TNR: variants seen among roughly 807,000 people sequenced by gnomAD.
TNR encodes tenascin-R.
A neutral mutation model predicts 150.4 loss-of-function variants in TNR; 45 were observed. That is an observed-to-expected ratio of 0.30 (90% CI 0.24 to 0.38). The LOEUF (loss-of-function observed/expected upper bound fraction) is 0.38, where lower values mean the gene tolerates loss of function less well. TNR is among the 10% of genes least tolerant of loss of function. The pLI is 1.00. For synonymous variants in TNR, 687 were observed against 678.4 expected (o/e 1.01, Z -0.20); for missense variants, 1,544 against 1,759.1 (o/e 0.88, Z 2.19).
At chr1:175,591,963 C>T (rs1162217106) in intron 1 of TNR, among the ~76,000 whole-genome samples, 1 of 152,024 alleles carries the variant, frequency 6.6e-6, no homozygotes, top group Admixed American at 6.6e-5. Context: ...TCTAAGTGAC[C>T]AAGATAAACA....
intron 18 of TNR, among the ~76,000 whole-genome samples, chr1:175,351,385 G>A (rs1471624460): frequency 6.6e-6 from 1 of 152,184 alleles, no homozygotes; most frequent in Admixed American, 6.5e-5. Context: ...AATTTATTCA[G>A]GGAAATTTGC....
At chr1:175,681,318 T>C (rs1174684776) in intron 1 of TNR, among the ~76,000 whole-genome samples, 1 of 152,096 alleles carries the variant, frequency 6.6e-6, no homozygotes, top group African/African-American at 2.4e-5. Flanking sequence ...CAAAGTCAAA[T>C]AGACTCTAAA....
At chr1:175,575,865 G>C (rs1040751447) in intron 1 of TNR, among the ~76,000 whole-genome samples, 7 of 152,176 alleles carry the variant, frequency 4.6e-5, no homozygotes, top group Admixed American at 3.3e-4. Flanking sequence ...GTTGAACCAA[G>C]CTGGAGCCTG....
At chr1:175,670,538 C>T (rs1665667175) in intron 1 of TNR, among the ~76,000 whole-genome samples, 1 of 152,196 alleles carries the variant, frequency 6.6e-6, no homozygotes, top group Admixed American at 6.5e-5. Flanking sequence ...ATTTAGTGAG[C>T]ACTTACCAGG....
intron 21 of TNR, among the ~76,000 whole-genome samples, chr1:175,327,100 TC>T (rs1649443163): frequency 6.6e-6 from 1 of 152,170 alleles, no homozygotes; most frequent in Non-Finnish European, 1.5e-5. Flanking sequence ...TTATGCGGTC[TC>T]CACCCACATC....
intron 1 of TNR, among the ~76,000 whole-genome samples, chr1:175,649,727 C>T (rs1191611278): frequency 6.6e-6 from 1 of 152,162 alleles, no homozygotes; most frequent in Non-Finnish European, 1.5e-5. Flanking sequence ...ATCCCATGGC[C>T]TCCTTGCAGC....
At chr1:175,449,896 G>A (rs1026919073) in intron 2 of TNR, among the ~76,000 whole-genome samples, 3 of 152,144 alleles carry the variant, frequency 2.0e-5, no homozygotes, top group Non-Finnish European at 4.4e-5. Context: ...TTTTCTGCCC[G>A]ATCACAGATG....
chr1:175,470,658 G>A (rs1264853118), intron 2 of TNR, among the ~76,000 whole-genome samples: 1 of 152,148 alleles, frequency 6.6e-6, no homozygotes, highest in Non-Finnish European at 1.5e-5. Flanking sequence ...AAAAACCCAA[G>A]TACATTCTTT....
At chr1:175,707,810 T>C (rs958078765) in intron 1 of TNR, among the ~76,000 whole-genome samples, 2 of 152,210 alleles carry the variant, frequency 1.3e-5, no homozygotes, top group African/African-American at 4.8e-5. Context: ...TAAATAATTA[T>C]TTAAGTTAAA....
In TNR at chr1:175,417,075, G is replaced by GAAAGAAAGAAAGAAAGAAAGAAAGAA. The variant is rs754333098; in HGVS notation, c.-63-10299_-63-10298insTTCTTTCTTTCTTTCTTTCTTTCTTT. ...AGAAAGAAAGAAAGAAAGAAAGAAA[G>GAAAGAAAGAAAGAAAGAAAGAAAGAA]AAATCTAAGAAGTGGTCTCTTCCCT... On this transcript the variant is annotated intron_variant, in intron 2 of 22. Transcript: ENST00000367674. 2.5e-3 allele frequency among the ~76,000 whole-genome samples: 347 copies of GAAAGAAAGAAAGAAAGAAAGAAAGAA among 138,272 alleles called. 7 individuals are homozygous for GAAAGAAAGAAAGAAAGAAAGAAAGAA. The highest frequency in any genetic ancestry group is 7.4e-3 in the Middle Eastern group (2 of 272). 90.7% of individuals were successfully genotyped at this position (138,272 alleles called of 152,430 possible).
intron 21 of TNR, among the ~76,000 whole-genome samples, chr1:175,326,245 T>A (rs10912957): frequency 0.48 from 72,952 of 152,024 alleles, 19,751 homozygotes; most frequent in East Asian, 0.77. Context: ...TATAAAACTT[T>A]TAGCAGGATC....
At chr1:175,404,451 A>G (rs745731998) in intron 3 of TNR, among the ~76,000 whole-genome samples, 34 of 152,104 alleles carry the variant, frequency 2.2e-4, no homozygotes, top group Non-Finnish European at 8.8e-5. Context: ...TCTGTCCTAG[A>G]CCTTACTGTG....
At chr1:175,370,433 C>T (rs571195590) in intron 9 of TNR, among the ~76,000 whole-genome samples, 3 of 130,740 alleles carry the variant, frequency 2.3e-5, no homozygotes, top group South Asian at 2.6e-4. Context: ...CTGGGTGCAC[C>T]TGTTGACTTC....
intron 1 of TNR, among the ~76,000 whole-genome samples, chr1:175,640,197 C>T (rs1664612298): frequency 6.6e-6 from 1 of 152,230 alleles, no homozygotes; most frequent in African/African-American, 2.4e-5. Flanking sequence ...GCCTTCTACA[C>T]AGCTTAAATT....
At chr1:175,702,307 C>G (rs1233083577) in intron 1 of TNR, among the ~76,000 whole-genome samples, 1 of 152,140 alleles carries the variant, frequency 6.6e-6, no homozygotes, top group African/African-American at 2.4e-5. Context: ...GACGCCTGCT[C>G]AGTGCCCCAA....
intron 1 of TNR, among the ~76,000 whole-genome samples, chr1:175,739,884 C>A (rs1182543747): frequency 6.6e-6 from 1 of 152,194 alleles, no homozygotes; most frequent in Non-Finnish European, 1.5e-5. Context: ...CATGACCAAC[C>A]ACCAACTTGG....
chr1:175,423,324 T>C (rs1459856318), intron 2 of TNR, among the ~76,000 whole-genome samples: 1 of 151,968 alleles, frequency 6.6e-6, no homozygotes, highest in Non-Finnish European at 1.5e-5. Context: ...GGGGTGCAAG[T>C]GGGAGGGTGG....
chr1:175,459,951 T>G (rs1244787697), intron 2 of TNR, among the ~76,000 whole-genome samples: 6 of 152,148 alleles, frequency 3.9e-5, no homozygotes, highest in Non-Finnish European at 8.8e-5. Flanking sequence ...TATATAGAGT[T>G]TGCAGTAATA....
At chr1:175,375,761 C>T (rs1369701059) in intron 9 of TNR, among the ~76,000 whole-genome samples, 1 of 152,122 alleles carries the variant, frequency 6.6e-6, no homozygotes, top group Non-Finnish European at 1.5e-5. Flanking sequence ...CCAGCAAAGG[C>T]CAGGCTGCCA....
Sources: allele counts gnomAD v4.1 joint callset (sites outside exome capture counted in the v4.1 genomes callset), GRCh38; gene constraint gnomAD v4.1.1; transcripts MANE v1.5; gene names NCBI Gene and HGNC (gene_info 2026-07-23, HGNC 2026-07-21).